The following WDR97 variants were observed in gnomAD, a reference collection of about 807,000 sequenced individuals.
WDR97 encodes the protein WD repeat domain 97, also known as WD repeat-containing protein 97.
A neutral mutation model predicts 65.4 loss-of-function variants in WDR97; 111 were observed. That is an observed-to-expected ratio of 1.70 (90% CI 1.45 to 1.99). The LOEUF (loss-of-function observed/expected upper bound fraction) is 1.99, where lower values mean the gene tolerates loss of function less well. WDR97 is among the 30% of genes most tolerant of loss of function. The pLI is 0.00. For missense variants in WDR97, 1,674 were observed against 865.0 expected (o/e 1.94, Z -11.73); for synonymous variants, 802 against 397.7 (o/e 2.02, Z -12.10).
In WDR97 at chr8:144,110,381, T is replaced by G. The variant is rs1479292180; in HGVS notation, c.1884T>G (p.Tyr628Ter). The change falls in exon 7 of 24, where the codon TAT (tyrosine) becomes TAG (stop). Residue 628 changes from tyrosine to a stop codon, truncating the protein, a stop_gained. Transcript: ENST00000323662. LOFTEE classifies it high-confidence loss of function. The part of the protein sequence containing the change: ...LTVKMWRVFP[Y>*]AEESLSLLRT... ...TGAAGATGTGGCGCGTCTTCCCCTA[T>G]GCCGAAGAGAGCCTGAGCCTGCTGC... The G allele has an allele frequency of 2.8e-6, 2 of 702,952 alleles. No homozygotes were observed. Among genetic ancestry groups the G allele is most frequent in the East Asian group, 5.4e-5 (2 of 37,278 alleles). The allele number at this position is 702,952 out of a possible 1,614,324, so 43.5% of individuals were successfully genotyped here.
rs1836650609 is a variant in WDR97 at position 144,116,005 on chromosome 8, G to C, written c.4658G>C (p.Arg1553Thr). The C allele has an allele frequency of 4.3e-6, 3 of 700,180 alleles. No individual in the cohort carries two copies. The highest frequency in any genetic ancestry group is 3.0e-5 in the South Asian group (2 of 67,532). 43.4% of individuals were successfully genotyped at this position (700,180 alleles called of 1,614,324 possible). ...KPQRSARSAM[R>T]LRGPMRSRLC... Reference sequence around the variant, plus strand: ...CAGAGGTCCGCGAGGTCCGCGATGAGACTGAGGGGTGAGTGGAGCCAGGGG... The same window carrying C: ...CAGAGGTCCGCGAGGTCCGCGATGACACTGAGGGGTGAGTGGAGCCAGGGG... The change falls in exon 23 of 24, where the codon AGA becomes ACA. Residue 1553 changes from arginine (R) to threonine (T), a missense_variant. Coordinates refer to ENST00000323662, the MANE Select transcript of WDR97 (RefSeq NM_001316309.2).
intron 22 of WDR97, 37 bp downstream of exon 22, chr8:144,115,895 C>T: frequency 1.4e-6 from 1 of 699,258 alleles, no homozygotes; most frequent in Non-Finnish European, 2.6e-6. Context: ...CTGCGTGGGG[C>T]AGCCAAGCGT....
At chr8:144,115,108 C>G (rs1332798055) in intron 21 of WDR97, among the ~76,000 whole-genome samples, 197 bp downstream of exon 21, 2 of 151,092 alleles carry the variant, frequency 1.3e-5, no homozygotes, top group South Asian at 4.1e-4. Context: ...GTGTCTGGCC[C>G]GAACCAGGGA....
At position 144,109,879 on chromosome 8, in the gene WDR97, C is replaced by T. The variant is rs761643319; in HGVS notation, c.1545C>T (p.Cys515=). 2.9e-6 allele frequency: 2 copies of T among 701,068 alleles called. No individual in the cohort carries two copies. The highest frequency in any genetic ancestry group is 1.5e-5 in the South Asian group (1 of 67,524). The allele number at this position is 701,068 out of a possible 1,614,324, so 43.4% of individuals were successfully genotyped here. A position where few individuals can be genotyped will look rare whatever the true frequency, so the allele number is the denominator to read the frequency against. Residue 515 remains cysteine (C), a synonymous_variant, in exon 5 of 24, where the codon TGC becomes TGT. Transcript: ENST00000323662. The stretch of plus-strand genomic sequence containing the variant: ...CCATGAGCGTGCTGCACCGCGTGTG[C>T]CCGCCGCCGCCCCCTGCGCCGCAGC... The part of the protein sequence containing the change: ...RCPMSVLHRV[C]PPPPPAPQPC...
rs1273945960 is a variant in WDR97 at position 144,110,428 on chromosome 8, CGGCCG to C, written c.1932_1936del (p.Ala645GlyfsTer14). On this transcript the variant is annotated frameshift_variant, in exon 7 of 24. Coordinates refer to ENST00000323662, the MANE Select transcript of WDR97 (RefSeq NM_001316309.2). LOFTEE classifies it high-confidence loss of function. Reference sequence around the variant, plus strand: ...CTGCGCACCTTCTCCTGCTGCTACCCGGCCGTGGCGCTCTGTGCGCTAGGCAGACG... The same window carrying C: ...CTGCGCACCTTCTCCTGCTGCTACCCTGGCGCTCTGTGCGCTAGGCAGACG... 4 of 702,924 alleles carry C rather than the reference CGGCCG, an allele frequency of 5.7e-6. No homozygotes were observed. Among genetic ancestry groups the C allele is most frequent in the Non-Finnish European group, 7.8e-6 (3 of 385,002 alleles). 43.5% of individuals were successfully genotyped at this position (702,924 alleles called of 1,614,324 possible). A position where few individuals can be genotyped will look rare whatever the true frequency, so the allele number is the denominator to read the frequency against.
Position 144,116,552 on chromosome 8 carries a change from C to A in WDR97, c.*259C>A. ...GGTGGCCGGCCTAGGGCAGAGGAGA[C>A]CCATAGCGGGGTACCATCCGCTGGG... On this transcript the variant is annotated 3_prime_UTR_variant, in exon 24 of 24. Transcript: ENST00000323662. The A allele has an allele frequency of 2.3e-6, 1 of 433,960 alleles. No individual in the cohort carries two copies. The highest frequency in any genetic ancestry group is 4.1e-6 in the Non-Finnish European group (1 of 245,922). The allele number at this position is 433,960 out of a possible 1,614,324, so 26.9% of individuals were successfully genotyped here.
rs1418177674 is a variant in WDR97 at position 144,108,389 on chromosome 8, C to T, written c.323C>T (p.Ala108Val). The T allele has an allele frequency of 1.4e-6, 1 of 697,504 alleles. No homozygotes were observed. The highest frequency in any genetic ancestry group is 2.6e-6 in the Non-Finnish European group (1 of 383,028). The allele number at this position is 697,504 out of a possible 1,614,324, so 43.2% of individuals were successfully genotyped here. Residue 108 changes from alanine to valine, a missense_variant, in exon 3 of 24, where the codon GCC becomes GTC. Physicochemically the swap from Ala to Val is moderately conservative, Grantham distance 64. Transcript: ENST00000323662. ...CCACTGCGCCGCCTGGAGGTGGCAG[C>T]CGGGCTGCGCTCGGTGGCGCAGGAC... ...LEPLRRLEVA[A>V]GLRSVAQDPV...
In WDR97 at chr8:144,116,102, T is replaced by C; in HGVS notation, c.4678T>C (p.Ser1560Pro). ...CCGCCCGCCCCCAGGCCCCATGCGG[T>C]CCCGGCTCTGTGCGGGCCGCACCCT... is the stretch of plus-strand genomic sequence containing the variant. ...SAMRLRGPMR[S>P]RLCAGRTLDG... The change falls in exon 24 of 24, where the codon TCC becomes CCC. Residue 1560 changes from serine to proline, a missense_variant. Transcript: ENST00000323662. 2 of 578,264 alleles carry C rather than the reference T, an allele frequency of 3.5e-6. No individual in the cohort carries two copies. Among genetic ancestry groups the C allele is most frequent in the Non-Finnish European group, 6.3e-6 (2 of 315,524 alleles). The allele number at this position is 578,264 out of a possible 1,614,324, so 35.8% of individuals were successfully genotyped here.
Position 144,116,459 on chromosome 8 carries a change from T to A in WDR97, c.*166T>A. Reference sequence around the variant, plus strand: ...GTGGGCGTGCGGCCTGAACCCACAGTGGCGGCGGAAGGCAGGAGCCGGAGG... The same window carrying A: ...GTGGGCGTGCGGCCTGAACCCACAGAGGCGGCGGAAGGCAGGAGCCGGAGG... On this transcript the variant is annotated 3_prime_UTR_variant, in exon 24 of 24. Coordinates refer to ENST00000323662, the MANE Select transcript of WDR97 (RefSeq NM_001316309.2). 1 of 493,790 alleles carries A rather than the reference T, an allele frequency of 2.0e-6. No homozygotes were observed. Among genetic ancestry groups the A allele is most frequent in the African/African-American group, 2.0e-5 (1 of 49,272 alleles). The allele number at this position is 493,790 out of a possible 1,614,324, so 30.6% of individuals were successfully genotyped here.
chr8:144,110,103 C>T lies in WDR97; in HGVS notation c.1701-11C>T, dbSNP rs1204795139. ...GCAGGGTCCGCGCCAACAGGCTCTT[C>T]CCACTCGCAGGTACCTGCCAGTGGT... On this transcript the variant is annotated splice_polypyrimidine_tract_variant and intron_variant, in intron 5 of 23. Coordinates refer to ENST00000323662, the MANE Select transcript of WDR97 (RefSeq NM_001316309.2). The T allele has an allele frequency of 1.4e-6, 1 of 701,696 alleles. No individual in the cohort carries two copies. The highest frequency in any genetic ancestry group is 1.5e-5 in the South Asian group (1 of 67,498). 43.5% of individuals were successfully genotyped at this position (701,696 alleles called of 1,614,324 possible). A position where few individuals can be genotyped will look rare whatever the true frequency, so the allele number is the denominator to read the frequency against.
At position 144,109,621 on chromosome 8, in the gene WDR97, G is replaced by C. The variant is rs1349692973; in HGVS notation, c.1287G>C (p.Gln429His). The C allele has an allele frequency of 1.5e-6, 1 of 683,572 alleles. No individual in the cohort carries two copies. Among genetic ancestry groups the C allele is most frequent in the Admixed American group, 2.1e-5 (1 of 48,024 alleles). 42.3% of individuals were successfully genotyped at this position (683,572 alleles called of 1,614,324 possible). ...TGCCCGCCAAGGTGCTCCACGTGCA[G>C]GTGGCGCCCGCGTTGCCCGCGCCTG... ...AQLPAKVLHV[Q>H]VAPALPAPAH... is the part of the protein sequence containing the mutation. The change falls in exon 5 of 24, where the codon CAG becomes CAC. Residue 429 changes from glutamine (Q) to histidine (H), a missense_variant. Gln to His is a conservative substitution (Grantham distance 24). Coordinates refer to ENST00000323662, the MANE Select transcript of WDR97 (RefSeq NM_001316309.2).
In WDR97 at chr8:144,116,494, G is replaced by T; in HGVS notation, c.*201G>T. 2.0e-6 allele frequency: 1 copy of T among 499,530 alleles called. No homozygotes were observed. Among genetic ancestry groups the T allele is most frequent in the Non-Finnish European group, 3.5e-6 (1 of 285,356 alleles). 30.9% of individuals were successfully genotyped at this position (499,530 alleles called of 1,614,324 possible). ...AGGCAGGAGCCGGAGGCCTGGCGGA[G>T]GTGGCCATCGTGGGCACCAGCGTTC... On this transcript the variant is annotated 3_prime_UTR_variant, in exon 24 of 24. Transcript: ENST00000323662.
chr8:144,112,303 G>A lies in WDR97; in HGVS notation c.2975G>A (p.Arg992Lys), dbSNP rs1436380036. The change falls in exon 14 of 24, where the codon AGG becomes AAG. Residue 992 changes from arginine (R) to lysine (K), a missense_variant. Physicochemically the swap from Arg to Lys is conservative, Grantham distance 26. Transcript: ENST00000323662. ...CTGCAGTTGGAGCAGCTCCGAGGGAGGACGACCATGGCCCTGGACCTGCCA... is the reference window on the plus strand; with the variant it reads ...CTGCAGTTGGAGCAGCTCCGAGGGAAGACGACCATGGCCCTGGACCTGCCA... ...LQLQLEQLRG[R>K]TTMALDLPSS... 1.1e-5 allele frequency: 8 copies of A among 702,636 alleles called. No individual in the cohort carries two copies. The highest frequency in any genetic ancestry group is 1.6e-5 in the Non-Finnish European group (6 of 384,958). 43.5% of individuals were successfully genotyped at this position (702,636 alleles called of 1,614,324 possible).
rs370640545 is a variant in WDR97, at chr8:144,109,250, G to A, written c.1000+80G>A. 8 of 700,006 alleles carry A rather than the reference G, an allele frequency of 1.1e-5. No homozygotes were observed. The African/African-American group carries it at 1.2e-4, about 11-fold the overall frequency. 43.4% of individuals were successfully genotyped at this position (700,006 alleles called of 1,614,324 possible). ...GGCTGTCCAGCATCTCCGCAGCTCC[G>A]GCCAGGCCTTGCTGCGCTGACTGCA... On this transcript the variant is annotated intron_variant, in intron 4 of 23. Coordinates refer to ENST00000323662, the MANE Select transcript of WDR97 (RefSeq NM_001316309.2).
Position 144,111,925 on chromosome 8 carries a change from C to G in WDR97, c.2676C>G (p.Ala892=), listed in dbSNP as rs994560775. The part of the protein sequence containing the change: ...QSGRGSQQWS[A]GTLRVERETR... ...GAAGGGGGTCCCAGCAGTGGAGTGCCGGGACCCTCAGAGTGGAGAGAGAGA... is the reference window on the plus strand; with the variant it reads ...GAAGGGGGTCCCAGCAGTGGAGTGCGGGGACCCTCAGAGTGGAGAGAGAGA... The change falls in exon 13 of 24, where the codon GCC becomes GCG. Residue 892 remains alanine (A), a synonymous_variant. Coordinates refer to ENST00000323662, the MANE Select transcript of WDR97 (RefSeq NM_001316309.2). 3 of 702,346 alleles carry G rather than the reference C, an allele frequency of 4.3e-6. No homozygotes were observed. The highest frequency in any genetic ancestry group is 2.6e-6 in the Non-Finnish European group (1 of 384,910). The allele number at this position is 702,346 out of a possible 1,614,324, so 43.5% of individuals were successfully genotyped here.
In WDR97 at chr8:144,108,051, G is replaced by A. The variant is rs1469196762; in HGVS notation, c.113-8G>A. On this transcript the variant is annotated splice_polypyrimidine_tract_variant and splice_region_variant and intron_variant, in intron 1 of 23. Coordinates refer to ENST00000323662, the MANE Select transcript of WDR97 (RefSeq NM_001316309.2). ...GTAGGTGGCAGAACTTCCAGTTCCT[G>A]CCCGCAGAGTTGACTTTCACGGAGC... The A allele has an allele frequency of 2.8e-6, 2 of 702,656 alleles. No homozygotes were observed. 43.5% of individuals were successfully genotyped at this position (702,656 alleles called of 1,614,324 possible). A position where few individuals can be genotyped will look rare whatever the true frequency, so the allele number is the denominator to read the frequency against.
chr8:144,107,824 A>G lies in WDR97; in HGVS notation c.74A>G (p.Tyr25Cys), dbSNP rs183550798. The change falls in exon 1 of 24, where the codon TAT becomes TGT. Residue 25 changes from tyrosine (Y) to cysteine (C), a missense_variant. Transcript: ENST00000323662. ...LDSDLYDADGYDVPDPGLLTE... is the reference protein window; with the variant it reads ...LDSDLYDADGCDVPDPGLLTE... ...TCGGACCTGTATGATGCGGATGGCT[A>G]TGATGTCCCAGACCCTGGGCTGCTC... is the stretch of plus-strand genomic sequence containing the variant. 1.1e-4 allele frequency: 78 copies of G among 702,830 alleles called. No homozygotes were observed. In the African/African-American group the frequency reaches 1.2e-3, roughly 11 times the overall value. 43.5% of individuals were successfully genotyped at this position (702,830 alleles called of 1,614,324 possible). A position where few individuals can be genotyped will look rare whatever the true frequency, so the allele number is the denominator to read the frequency against.
chr8:144,112,471 G>A lies in WDR97; in HGVS notation c.3046G>A (p.Asp1016Asn). ...CRIPLLPKRW[D>N]KEPLSSLRGF... is the part of the protein sequence containing the mutation. Reference sequence around the variant, plus strand: ...GATCCCACTGCTGCCAAAGAGATGGGACAAGGAACCTCTCTCTAGCCTCAG... The same window carrying A: ...GATCCCACTGCTGCCAAAGAGATGGAACAAGGAACCTCTCTCTAGCCTCAG... The change falls in exon 15 of 24, where the codon GAC becomes AAC. Residue 1016 changes from aspartate (D) to asparagine (N), a missense_variant. By Grantham distance (23) the Asp-to-Asn change is conservative (BLOSUM62 1). Transcript: ENST00000323662. 2 of 702,666 alleles carry A rather than the reference G, an allele frequency of 2.8e-6. No homozygotes were observed. Among genetic ancestry groups the A allele is most frequent in the Non-Finnish European group, 5.2e-6 (2 of 384,926 alleles). 43.5% of individuals were successfully genotyped at this position (702,666 alleles called of 1,614,324 possible). A position where few individuals can be genotyped will look rare whatever the true frequency, so the allele number is the denominator to read the frequency against.
intron 15 of WDR97, 152 bp downstream of exon 15, chr8:144,112,682 G>T (rs57625671): frequency 0.018 from 11,767 of 640,320 alleles, 914 homozygotes; most frequent in African/African-American, 0.18. Context: ...AGCCTCCCAC[G>T]CACCCCTCAC....
Sources: gnomAD v4.1 joint callset for allele counts (sites outside exome capture counted in the v4.1 genomes callset) on GRCh38, gnomAD v4.1.1 for gene constraint, MANE v1.5 for transcripts, NCBI Gene and HGNC (gene_info 2026-07-23, HGNC 2026-07-21) for gene names.